FAM47C: variants seen among roughly 807,000 people sequenced by gnomAD.
FAM47C encodes putative protein FAM47C.
For missense variants in FAM47C, 847 were observed against 879.9 expected (o/e 0.96, Z 0.47); for synonymous variants, 307 against 346.5 (o/e 0.89, Z 1.27).
At position 37,009,974 on chromosome X, in the gene FAM47C, C is replaced by A. The variant is rs1241866446; in HGVS notation, c.1564C>A (p.Leu522Ile). ...PEPSETGVSHLRPEPPKILVS... is the reference protein window; with the variant it reads ...PEPSETGVSHIRPEPPKILVS... ...GCCTTCTGAGACTGGAGTGTCCCAT[C>A]TCCGCCCAGAGCCTCCCAAGATTCT... The change falls in exon 1 of 1, where the codon CTC (leucine) becomes ATC (isoleucine). Residue 522 changes from leucine to isoleucine, a missense_variant. Leu to Ile is a conservative substitution (Grantham distance 5). Coordinates refer to ENST00000358047, the MANE Select transcript of FAM47C (RefSeq NM_001013736.3). The A allele has an allele frequency of 8.3e-7, 1 of 1,202,433 alleles. No individual in the cohort carries two copies. Among genetic ancestry groups the A allele is most frequent in the Non-Finnish European group, 1.1e-6 (1 of 892,303 alleles).
At position 37,011,218 on chromosome X, in the gene FAM47C, G is replaced by A; in HGVS notation, c.2808G>A (p.Met936Ile). Residue 936 changes from methionine (M) to isoleucine (I), a missense_variant, in exon 1 of 1, where the codon ATG becomes ATA. Transcript: ENST00000358047. ...CTCATAGTGCACAGCATGTGAAGATGGGGTATGGAGCATGGTACCTCAAGC... is the reference window on the plus strand; with the variant it reads ...CTCATAGTGCACAGCATGTGAAGATAGGGTATGGAGCATGGTACCTCAAGC... The part of the protein sequence containing the change: ...PNSHSAQHVK[M>I]GYGAWYLKPK... 1 of 1,211,255 alleles carries A rather than the reference G, an allele frequency of 8.3e-7. No individual in the cohort carries two copies. Among genetic ancestry groups the A allele is most frequent in the Non-Finnish European group, 1.1e-6 (1 of 895,256 alleles).
rs1927671173 is a variant in FAM47C at position 37,008,782 on chromosome X, G to A, written c.372G>A (p.Gln124=). 8.3e-7 allele frequency: 1 copy of A among 1,211,556 alleles called. No homozygotes were observed. Among genetic ancestry groups the A allele is most frequent in the East Asian group, 3.0e-5 (1 of 33,822 alleles). The change falls in exon 1 of 1, where the codon CAG becomes CAA. Residue 124 remains glutamine (Q), a synonymous_variant. Transcript: ENST00000358047. ...CGTTCGTAGAGGAAGTGGAAGCCCAGCTGATGACCAAGCATCCCTTGGCCA... is the reference window on the plus strand; with the variant it reads ...CGTTCGTAGAGGAAGTGGAAGCCCAACTGATGACCAAGCATCCCTTGGCCA... ...RKAFVEEVEA[Q]LMTKHPLAMY... is the part of the protein sequence containing the mutation.
rs1995914 is a variant in FAM47C, at chrX:37,011,181, A to G, written c.2771A>G (p.Asn924Ser). 1.2e-5 allele frequency: 15 copies of G among 1,210,170 alleles called. No individual in the cohort carries two copies. The highest frequency in any genetic ancestry group is 4.5e-6 in the Non-Finnish European group (4 of 894,818). The change falls in exon 1 of 1, where the codon AAT becomes AGT. Residue 924 changes from asparagine to serine, a missense_variant. By Grantham distance (46) the Asn-to-Ser change is conservative (BLOSUM62 1). Coordinates refer to ENST00000358047, the MANE Select transcript of FAM47C (RefSeq NM_001013736.3). ...QEKDLDGKIQ[N>S]APNSHSAQHV... ...AAAGACTTGGACGGGAAAATCCAGA[A>G]TGCACCAAATTCTCATAGTGCACAG...
In FAM47C at chrX:37,010,445, T is replaced by C. The variant is rs1413363684; in HGVS notation, c.2035T>C (p.Cys679Arg). 1.8e-6 allele frequency: 2 copies of C among 1,089,322 alleles called. No homozygotes were observed. The highest frequency in any genetic ancestry group is 3.6e-5 in the East Asian group (1 of 27,660). The allele number at this position is 1,089,322 out of a possible 1,213,427, so 89.8% of individuals were successfully genotyped here. A position where few individuals can be genotyped will look rare whatever the true frequency, so the allele number is the denominator to read the frequency against. The change falls in exon 1 of 1, where the codon TGC becomes CGC. Residue 679 changes from cysteine (C) to arginine (R), a missense_variant. Coordinates refer to ENST00000358047, the MANE Select transcript of FAM47C (RefSeq NM_001013736.3). ...EPPETGVSHLCPEPPETRVSH... is the reference protein window; with the variant it reads ...EPPETGVSHLRPEPPETRVSH... ...CCCCGAGACTGGAGTGTCCCATCTC[T>C]GCCCGGAGCCTCCAGAGACTCGCGT...
Position 37,011,346 on chromosome X carries a change from C to T in FAM47C, c.2936C>T (p.Pro979Leu). 1 of 1,211,199 alleles carries T rather than the reference C, an allele frequency of 8.3e-7. No homozygotes were observed. ...GACATTCTTGACGGTCTTTATGGACCAATCGCCTTTAAGGATTTCATTCTA... is the reference window on the plus strand; with the variant it reads ...GACATTCTTGACGGTCTTTATGGACTAATCGCCTTTAAGGATTTCATTCTA... The part of the protein sequence containing the change: ...EPDILDGLYG[P>L]IAFKDFILSK... The change falls in exon 1 of 1, where the codon CCA becomes CTA. Residue 979 changes from proline to leucine, a missense_variant. Physicochemically the swap from Pro to Leu is moderately conservative, Grantham distance 98. Coordinates refer to ENST00000358047, the MANE Select transcript of FAM47C (RefSeq NM_001013736.3).
Position 37,010,785 on chromosome X carries a change from A to G in FAM47C, c.2375A>G (p.Lys792Arg), listed in dbSNP as rs1556333167. The G allele has an allele frequency of 8.3e-7, 1 of 1,208,224 alleles. No individual in the cohort carries two copies. The highest frequency in any genetic ancestry group is 1.8e-5 in the African/African-American group (1 of 56,686). The change falls in exon 1 of 1, where the codon AAG (lysine) becomes AGG (arginine). Residue 792 changes from lysine to arginine, a missense_variant. Lys to Arg is a conservative substitution (Grantham distance 26). Coordinates refer to ENST00000358047, the MANE Select transcript of FAM47C (RefSeq NM_001013736.3). ...RVSSLHLEPP[K>R]TRRVSSLRLE... The stretch of plus-strand genomic sequence containing the variant: ...TCCAGTCTCCACCTGGAGCCTCCCA[A>G]GACTCGTCGAGTGTCCAGTCTCCGC...
Position 37,009,004 on chromosome X carries a change from C to T in FAM47C, c.594C>T (p.Leu198=). 1 of 1,211,741 alleles carries T rather than the reference C, an allele frequency of 8.3e-7. No homozygotes were observed. The highest frequency in any genetic ancestry group is 1.1e-6 in the Non-Finnish European group (1 of 895,422). The change falls in exon 1 of 1, where the codon CTC becomes CTT. Residue 198 remains leucine (L), a synonymous_variant. Transcript: ENST00000358047. ...CTCCCGAGACTCGGGTGTCCTGTCTCCCCCCGGAGCCTCCCAAGACTCCGG... is the reference window on the plus strand; with the variant it reads ...CTCCCGAGACTCGGGTGTCCTGTCTTCCCCCGGAGCCTCCCAAGACTCCGG... ...PRPPETRVSC[L]PPEPPKTPVS...
Position 37,011,073 on chromosome X carries a change from A to C in FAM47C, c.2663A>C (p.Lys888Thr), listed in dbSNP as rs782365090. Residue 888 changes from lysine (K) to threonine (T), a missense_variant, in exon 1 of 1, where the codon AAG (lysine) becomes ACG (threonine). Coordinates refer to ENST00000358047, the MANE Select transcript of FAM47C (RefSeq NM_001013736.3). ...GCAACCTATCAAGACCAAAAGAATA[A>C]GAAGGCAAACGAGTGTTCCTCAGGG... Reference protein sequence around the residue: ...CRATYQDQKNKKANECSSGLK... With the variant: ...CRATYQDQKNTKANECSSGLK... The C allele has an allele frequency of 8.3e-7, 1 of 1,210,590 alleles. No individual in the cohort carries two copies. The highest frequency in any genetic ancestry group is 1.7e-5 in the African/African-American group (1 of 57,307).
rs781981804 is a variant in FAM47C at position 37,008,680 on chromosome X, C to T, written c.270C>T (p.Pro90=). 5 of 1,212,043 alleles carry T rather than the reference C, an allele frequency of 4.1e-6. No homozygotes were observed. The South Asian group carries it at 8.8e-5, about 21-fold the overall frequency. The change falls in exon 1 of 1, where the codon CCC becomes CCT. Residue 90 remains proline, a synonymous_variant. Coordinates refer to ENST00000358047, the MANE Select transcript of FAM47C (RefSeq NM_001013736.3). The part of the protein sequence containing the change: ...KISLRGPQAD[P]KSRKKKLLKK... ...CTCTCAGAGGTCCCCAAGCTGACCC[C>T]AAAAGCAGGAAGAAAAAGCTGCTCA...
chrX:37,011,247 A>G lies in FAM47C; in HGVS notation c.2837A>G (p.Lys946Arg). The G allele has an allele frequency of 1.7e-6, 2 of 1,211,120 alleles. No individual in the cohort carries two copies. The highest frequency in any genetic ancestry group is 2.2e-6 in the Non-Finnish European group (2 of 895,191). ...TATGGAGCATGGTACCTCAAGCCTA[A>G]GTTGGGGAAAAAGCTAAGAAGTGAT... is the stretch of plus-strand genomic sequence containing the variant. Reference protein sequence around the residue: ...MGYGAWYLKPKLGKKLRSDEP... With the variant: ...MGYGAWYLKPRLGKKLRSDEP... Residue 946 changes from lysine to arginine, a missense_variant, in exon 1 of 1, where the codon AAG (lysine) becomes AGG (arginine). Physicochemically the swap from Lys to Arg is conservative, Grantham distance 26 (BLOSUM62 2). Transcript: ENST00000358047.
chrX:37,010,146 T>C lies in FAM47C; in HGVS notation c.1736T>C (p.Val579Ala), dbSNP rs782582505. 3.1e-5 allele frequency: 37 copies of C among 1,178,706 alleles called. No homozygotes were observed. The Admixed American group carries it at 7.8e-4, about 25-fold the overall frequency. The change falls in exon 1 of 1, where the codon GTG becomes GCG. Residue 579 changes from valine (V) to alanine (A), a missense_variant. Val to Ala is a moderately conservative substitution (Grantham distance 64). Transcript: ENST00000358047. Reference sequence around the variant, plus strand: ...CGCCCGGAGCCTCCCGATACTGGAGTGTCCCATCTCTGCCCAGAGCCTCCC... The same window carrying C: ...CGCCCGGAGCCTCCCGATACTGGAGCGTCCCATCTCTGCCCAGAGCCTCCC... ...SLRPEPPDTG[V>A]SHLCPEPPKT... is the part of the protein sequence containing the mutation.
rs1249743624 is a variant in FAM47C at position 37,009,078 on chromosome X, G to T, written c.668G>T (p.Arg223Leu). ...EPPETGVSHLRPQPPKTQVSS... is the reference protein window; with the variant it reads ...EPPETGVSHLLPQPPKTQVSS... ...CCAGAGACTGGAGTGTCCCATCTCC[G>T]CCCACAGCCTCCCAAGACTCAGGTG... Residue 223 changes from arginine (R) to leucine (L), a missense_variant, in exon 1 of 1, where the codon CGC (arginine) becomes CTC (leucine). Coordinates refer to ENST00000358047, the MANE Select transcript of FAM47C (RefSeq NM_001013736.3). 1.7e-6 allele frequency: 2 copies of T among 1,205,801 alleles called. No homozygotes were observed. The highest frequency in any genetic ancestry group is 3.0e-5 in the East Asian group (1 of 33,563).
At position 37,008,400 on chromosome X, in the gene FAM47C, C is replaced by A. The variant is rs61730912; in HGVS notation, c.-11C>A. ...GGAAACTGGAGAGGTGGCACCCCAGCGAGGGCCACCATGGGGGACCAGAGG... is the reference window on the plus strand; with the variant it reads ...GGAAACTGGAGAGGTGGCACCCCAGAGAGGGCCACCATGGGGGACCAGAGG... On this transcript the variant is annotated 5_prime_UTR_variant, in exon 1 of 1. Coordinates refer to ENST00000358047, the MANE Select transcript of FAM47C (RefSeq NM_001013736.3). 4,713 of 1,182,406 alleles carry A rather than the reference C, an allele frequency of 4.0e-3. 100 individuals are homozygous for A. The African/African-American group carries it at 0.07, about 18-fold the overall frequency.
rs1556331360 is a variant in FAM47C, at chrX:37,008,605, T to C, written c.195T>C (p.Pro65=). 1 of 1,212,491 alleles carries C rather than the reference T, an allele frequency of 8.2e-7. No homozygotes were observed. The highest frequency in any genetic ancestry group is 2.2e-5 in the Admixed American group (1 of 46,172). The stretch of plus-strand genomic sequence containing the variant: ...ACTTCCGCTACGGCTGTCAGTCTCC[T>C]GAAGATACGCTTGTTTGTCGCCGTG... ...MDDFRYGCQS[P]EDTLVCRRDE... Residue 65 remains proline, a synonymous_variant, in exon 1 of 1, where the codon CCT becomes CCC. Transcript: ENST00000358047.
At position 37,008,625 on chromosome X, in the gene FAM47C, G is replaced by T. The variant is rs782669806; in HGVS notation, c.215G>T (p.Arg72Leu). The change falls in exon 1 of 1, where the codon CGC (arginine) becomes CTC (leucine). Residue 72 changes from arginine to leucine, a missense_variant. Physicochemically the swap from Arg to Leu is moderately radical, Grantham distance 102. Transcript: ENST00000358047. ...TCTCCTGAAGATACGCTTGTTTGTC[G>T]CCGTGACGAGTTTTTACTCCCCAAA... ...CQSPEDTLVCRRDEFLLPKIS... is the reference protein window; with the variant it reads ...CQSPEDTLVCLRDEFLLPKIS... The T allele has an allele frequency of 8.3e-7, 1 of 1,212,065 alleles. No individual in the cohort carries two copies. The highest frequency in any genetic ancestry group is 1.8e-5 in the South Asian group (1 of 57,019).
At position 37,009,046 on chromosome X, in the gene FAM47C, G is replaced by T. The variant is rs375921003; in HGVS notation, c.636G>T (p.Pro212=). The change falls in exon 1 of 1, where the codon CCG becomes CCT. Residue 212 remains proline (P), a synonymous_variant. Coordinates refer to ENST00000358047, the MANE Select transcript of FAM47C (RefSeq NM_001013736.3). ...AGACTCCGGTGTCCAGTCTCCGCCC[G>T]GAGCCTCCAGAGACTGGAGTGTCCC... ...PPKTPVSSLR[P]EPPETGVSHL... The T allele has an allele frequency of 1.4e-5, 17 of 1,207,125 alleles. No individual in the cohort carries two copies. In the African/African-American group the frequency reaches 2.3e-4, roughly 16 times the overall value.
rs1556333448 is a variant in FAM47C at position 37,011,379 on chromosome X, G to T, written c.2969G>T (p.Gly990Val). 1.7e-6 allele frequency: 2 copies of T among 1,210,459 alleles called. No individual in the cohort carries two copies. Among genetic ancestry groups the T allele is most frequent in the Non-Finnish European group, 2.2e-6 (2 of 895,339 alleles). Residue 990 changes from glycine to valine, a missense_variant, in exon 1 of 1, where the codon GGC becomes GTC. Physicochemically the swap from Gly to Val is moderately radical, Grantham distance 109. Coordinates refer to ENST00000358047, the MANE Select transcript of FAM47C (RefSeq NM_001013736.3). ...IAFKDFILSKGYEMPGIIQRL... is the reference protein window; with the variant it reads ...IAFKDFILSKVYEMPGIIQRL... ...TTTAAGGATTTCATTCTAAGCAAGG[G>T]CTATGAAATGCCTGGCATCATTCAA... is the stretch of plus-strand genomic sequence containing the variant.
Position 37,011,377 on chromosome X carries a change from G to A in FAM47C, c.2967G>A (p.Lys989=). 2 of 1,212,054 alleles carry A rather than the reference G, an allele frequency of 1.7e-6. No individual in the cohort carries two copies. Among genetic ancestry groups the A allele is most frequent in the Non-Finnish European group, 2.2e-6 (2 of 895,567 alleles). Residue 989 remains lysine (K), a synonymous_variant, in exon 1 of 1, where the codon AAG becomes AAA. Coordinates refer to ENST00000358047, the MANE Select transcript of FAM47C (RefSeq NM_001013736.3). ...CCTTTAAGGATTTCATTCTAAGCAA[G>A]GGCTATGAAATGCCTGGCATCATTC... ...PIAFKDFILS[K]GYEMPGIIQR... is the part of the protein sequence containing the mutation.
chrX:37,010,872 C>A lies in FAM47C; in HGVS notation c.2462C>A (p.Ala821Glu). The A allele has an allele frequency of 8.3e-7, 1 of 1,211,797 alleles. No individual in the cohort carries two copies. Among genetic ancestry groups the A allele is most frequent in the Non-Finnish European group, 1.1e-6 (1 of 895,522 alleles). Residue 821 changes from alanine to glutamate, a missense_variant, in exon 1 of 1, where the codon GCG becomes GAG. By Grantham distance (107) the Ala-to-Glu change is moderately radical. Coordinates refer to ENST00000358047, the MANE Select transcript of FAM47C (RefSeq NM_001013736.3). ...TGCCCGGAGCCTACCAAGACCGGAG[C>A]GTCCCATCTAAAAGAACTGTTTCAG... is the stretch of plus-strand genomic sequence containing the variant. ...SLCPEPTKTG[A>E]SHLKELFQEG... is the part of the protein sequence containing the mutation.
Sources: gnomAD v4.1 joint callset for allele counts on GRCh38, gnomAD v4.1.1 for gene constraint, MANE v1.5 for transcripts, NCBI Gene and HGNC (gene_info 2026-07-23, HGNC 2026-07-21) for gene names.